Variants in SUSD5 observed in about 807,000 individuals in gnomAD.
SUSD5 encodes sushi domain-containing protein 5.
SUSD5 carries 33 observed loss-of-function variants against 29.5 expected under a neutral mutation model. The observed-to-expected ratio is 1.12, with a 90% confidence interval of 0.85 to 1.49. SUSD5 has a LOEUF of 1.49. Among genes scored for constraint, SUSD5 ranks in the 40% most tolerant of loss-of-function variants. The pLI is 0.00. For missense variants in SUSD5, 776 were observed against 800.6 expected (o/e 0.97, Z 0.37); for synonymous variants, 308 against 325.3 (o/e 0.95, Z 0.57).
At position 33,150,441 on chromosome 3, in the gene SUSD5, T is replaced by C. The variant is rs1251369130; in HGVS notation, c.*2301A>G. The stretch of plus-strand genomic sequence containing the variant: ...GTTCTGGGTTATTCCACAATAATAG[T>C]TGCTAACACAGTCCCAATGCTGAGA... On this transcript the variant is annotated 3_prime_UTR_variant, in exon 5 of 5. Coordinates refer to ENST00000309558, the MANE Select transcript of SUSD5 (RefSeq NM_015551.2). The C allele has an allele frequency of 6.6e-6, 1 of 152,222 alleles. No individual in the cohort carries two copies. The highest frequency in any genetic ancestry group is 1.5e-5 in the Non-Finnish European group (1 of 68,042). 9.4% of individuals were successfully genotyped at this position (152,222 alleles called of 1,614,324 possible).
At chr3:33,161,787 T>A (rs1427624646) in intron 4 of SUSD5, among the ~76,000 whole-genome samples, 1 of 152,130 alleles carries the variant, frequency 6.6e-6, no homozygotes, top group Non-Finnish European at 1.5e-5. Context: ...CTGGAAGATA[T>A]CAAATTTTAA....
intron 2 of SUSD5, among the ~76,000 whole-genome samples, chr3:33,211,178 G>A (rs902987943): frequency 6.6e-5 from 10 of 152,192 alleles, no homozygotes; most frequent in African/African-American, 2.4e-4. Context: ...ACAGGCATGA[G>A]CCACTGCACC....
At chr3:33,185,873 C>A (rs115917214) in intron 3 of SUSD5, among the ~76,000 whole-genome samples, 4,634 of 152,176 alleles carry the variant, frequency 0.03, 103 homozygotes, top group Non-Finnish European at 0.046. Flanking sequence ...GTCTCAAATG[C>A]ACATTTTTGT....
At chr3:33,174,040 G>C (rs1025572297) in intron 4 of SUSD5, among the ~76,000 whole-genome samples, 1 of 152,144 alleles carries the variant, frequency 6.6e-6, no homozygotes. Flanking sequence ...TGATGGAATG[G>C]GGACATCTGG....
chr3:33,180,221 G>A (rs2031639367), intron 3 of SUSD5, among the ~76,000 whole-genome samples: 1 of 152,198 alleles, frequency 6.6e-6, no homozygotes, highest in Non-Finnish European at 1.5e-5. Flanking sequence ...ACAGCTCCAT[G>A]TGTCTTACTG....
At chr3:33,209,586 A>ATTCC (rs889479890) in intron 2 of SUSD5, among the ~76,000 whole-genome samples, 1 of 114,752 alleles carries the variant, frequency 8.7e-6, no homozygotes, top group Admixed American at 9.3e-5. Context: ...TCTTTCCTTC[A>ATTCC]TTCCTTCCTT....
rs1287914321 is a variant in SUSD5 at position 33,214,093 on chromosome 3, A to G, written c.125T>C (p.Val42Ala). 6.2e-7 allele frequency: 1 copy of G among 1,606,578 alleles called. No homozygotes were observed. Among genetic ancestry groups the G allele is most frequent in the Admixed American group, 1.7e-5 (1 of 58,344 alleles). ...LSVRADGKFF[V>A]LESQNGSQGL... ...CTGAGAGCCATTCTGAGACTCCAGCACAAAGAACTTTCCTGTGTGGGAACA... is the reference window on the plus strand; with the variant it reads ...CTGAGAGCCATTCTGAGACTCCAGCGCAAAGAACTTTCCTGTGTGGGAACA... The change falls in exon 2 of 5, where the codon GTG (valine) becomes GCG (alanine). Residue 42 changes from valine (V) to alanine (A), a missense_variant. Transcript: ENST00000309558.
At chr3:33,174,311 A>C (rs1008218246) in intron 4 of SUSD5, among the ~76,000 whole-genome samples, 10 of 152,160 alleles carry the variant, frequency 6.6e-5, no homozygotes, top group Admixed American at 6.5e-4. Context: ...CAGGTGGATC[A>C]GAACTCATAT....
Position 33,153,119 on chromosome 3 carries a change from G to C in SUSD5, c.1513C>G (p.Gln505Glu), listed in dbSNP as rs1304810003. 6.8e-6 allele frequency: 11 copies of C among 1,613,896 alleles called. No homozygotes were observed. Among genetic ancestry groups the C allele is most frequent in the Non-Finnish European group, 3.4e-6 (4 of 1,179,864 alleles). The change falls in exon 5 of 5, where the codon CAG becomes GAG. Residue 505 changes from glutamine (Q) to glutamate (E), a missense_variant. Transcript: ENST00000309558. ...LEILTVNTVK[Q>E]TPNHIPSTIM... is the part of the protein sequence containing the mutation. ...GTTGAGGGGATGTGGTTAGGTGTCT[G>C]CTTGACAGTGTTCACTGTTAATATC...
intron 3 of SUSD5, among the ~76,000 whole-genome samples, chr3:33,202,152 T>A (rs1344444306): frequency 1.3e-5 from 2 of 152,086 alleles, no homozygotes; most frequent in Non-Finnish European, 2.9e-5. Flanking sequence ...GACAAATAAA[T>A]GAACACATAA....
chr3:33,184,788 T>C (rs1438761497), intron 3 of SUSD5, among the ~76,000 whole-genome samples: 1 of 152,234 alleles, frequency 6.6e-6, no homozygotes, highest in East Asian at 1.9e-4. Flanking sequence ...CTGTTGCTAT[T>C]ACCCATCTGT....
intron 3 of SUSD5, among the ~76,000 whole-genome samples, chr3:33,177,122 T>C (rs771286464): frequency 3.3e-5 from 5 of 152,214 alleles, no homozygotes; most frequent in Non-Finnish European, 5.9e-5. Flanking sequence ...GTTAACCCAT[T>C]TATGCCAGAG....
chr3:33,171,902 C>A (rs1192571355), intron 4 of SUSD5, among the ~76,000 whole-genome samples: 1 of 152,202 alleles, frequency 6.6e-6, no homozygotes, highest in Non-Finnish European at 1.5e-5. Context: ...TCTATCTCAT[C>A]ATCTACTGCT....
chr3:33,174,276 C>T (rs1227264298), intron 4 of SUSD5, among the ~76,000 whole-genome samples: 1 of 152,158 alleles, frequency 6.6e-6, no homozygotes, highest in Non-Finnish European at 1.5e-5. Context: ...CCCCTCACCA[C>T]CCCTGCTTTC....
intron 2 of SUSD5, among the ~76,000 whole-genome samples, chr3:33,212,669 A>G (rs1368596079): frequency 6.6e-6 from 1 of 152,220 alleles, no homozygotes; most frequent in Non-Finnish European, 1.5e-5. Context: ...TGTTGGCAAG[A>G]GCCCCTAAAG....
intron 4 of SUSD5, among the ~76,000 whole-genome samples, chr3:33,163,688 G>A (rs975293716): frequency 2.0e-5 from 3 of 152,012 alleles, no homozygotes; most frequent in Admixed American, 6.6e-5. Context: ...TGGTGAAACC[G>A]TGTCTCTACT....
intron 3 of SUSD5, among the ~76,000 whole-genome samples, chr3:33,201,122 G>C (rs1035854090): frequency 1.3e-5 from 2 of 152,188 alleles, no homozygotes; most frequent in African/African-American, 4.8e-5. Flanking sequence ...GCTACTAAGT[G>C]ACTCTTGCAG....
At position 33,153,348 on chromosome 3, in the gene SUSD5, G is replaced by A. The variant is rs539349440; in HGVS notation, c.1284C>T (p.Ser428=). 2.7e-4 allele frequency: 439 copies of A among 1,613,872 alleles called. 2 individuals carry two copies. The South Asian group carries it at 4.4e-3, about 16-fold the overall frequency. ...GAACTGAACTATGGGTCATGCCCTCGCTTGGTGTGAGGGTGCTACTCTTGG... is the reference window on the plus strand; with the variant it reads ...GAACTGAACTATGGGTCATGCCCTCACTTGGTGTGAGGGTGCTACTCTTGG... The part of the protein sequence containing the change: ...KKPKSSTLTP[S]EGMTHSSVLP... The change falls in exon 5 of 5, where the codon AGC becomes AGT. Residue 428 remains serine (S), a synonymous_variant. Transcript: ENST00000309558.
chr3:33,170,796 C>T (rs1050064733), intron 4 of SUSD5, among the ~76,000 whole-genome samples: 17 of 152,186 alleles, frequency 1.1e-4, no homozygotes, highest in Non-Finnish European at 2.1e-4. Flanking sequence ...CACAGGCTGT[C>T]GTTAGTTATT....
Sources: allele counts gnomAD v4.1 joint callset (sites outside exome capture counted in the v4.1 genomes callset), GRCh38; gene constraint gnomAD v4.1.1; transcripts MANE v1.5; gene names NCBI Gene and HGNC (gene_info 2026-07-23, HGNC 2026-07-21).